Variants in UBR2 observed in about 807,000 individuals in gnomAD.
UBR2 encodes ubiquitin protein ligase E3 component n-recognin 2.
A neutral mutation model predicts 247.9 loss-of-function variants in UBR2; 92 were observed. The observed-to-expected ratio is 0.37, with a 90% CI of 0.31 to 0.44. The LOEUF (loss-of-function observed/expected upper bound fraction) is 0.44. Among genes scored for constraint, UBR2 ranks in the 20% least tolerant of loss-of-function variants. The probability of loss-of-function intolerance (pLI) is 1.00; values close to 1 mark genes in which losing one functional copy is unlikely to be tolerated. For missense variants in UBR2, 1,613 were observed against 2,112.6 expected, an observed-to-expected ratio of 0.76 and a Z score of 4.64; for synonymous variants, 672 against 693.5, an observed-to-expected ratio of 0.97 and a Z score of 0.49.
At chr6:42,634,520 T>C (rs2151952648) in intron 13 of UBR2, among the ~76,000 whole-genome samples, 1 of 152,358 alleles carries the variant, frequency 6.6e-6, no homozygotes, top group South Asian at 2.1e-4. Context: ...AGTGGCGCGA[T>C]CTTGGCTCAC....
Position 42,564,325 on chromosome 6 carries a change from G to C in UBR2, c.6G>C (p.Ala2=). 6.2e-7 allele frequency: 1 copy of C among 1,610,582 alleles called. No homozygotes were observed. Among genetic ancestry groups the C allele is most frequent in the East Asian group, 2.2e-5 (1 of 44,656 alleles). The part of the protein sequence containing the change: M[A]SELEPEVQAI... ...GGGGAGGAGGAGGAGAGAAGATGGC[G>C]TCGGAGCTAGAGCCAGAGGTGCAGG... is the stretch of plus-strand genomic sequence containing the variant. The change falls in exon 1 of 47, where the codon GCG becomes GCC. Residue 2 remains alanine (A), a synonymous_variant. Coordinates refer to ENST00000372901, the MANE Select transcript of UBR2 (RefSeq NM_001363705.2).
At chr6:42,575,365 A>G (rs1024520768) in intron 2 of UBR2, among the ~76,000 whole-genome samples, 1 of 152,184 alleles carries the variant, frequency 6.6e-6, no homozygotes, top group African/African-American at 2.4e-5. Context: ...TTTGTTTGCT[A>G]TTACAGAAAC....
intron 2 of UBR2, among the ~76,000 whole-genome samples, chr6:42,584,589 C>A (rs1484198666): frequency 6.6e-6 from 1 of 152,090 alleles, no homozygotes; most frequent in East Asian, 1.9e-4. Context: ...TGCATTGAAT[C>A]TATAGATTAG....
intron 4 of UBR2, among the ~76,000 whole-genome samples, chr6:42,597,057 C>T (rs1215423021): frequency 6.6e-6 from 1 of 152,184 alleles, no homozygotes; most frequent in Non-Finnish European, 1.5e-5. Context: ...TTAGAGTAGA[C>T]TTAAAATAAT....
At chr6:42,592,289 C>T (rs1407852548) in intron 3 of UBR2, 60 bp downstream of exon 3, 4 of 1,302,800 alleles carry the variant, frequency 3.1e-6, no homozygotes, top group Non-Finnish European at 3.1e-6. Context: ...AATATCTTTT[C>T]TTTCTTTTCA....
intron 2 of UBR2, among the ~76,000 whole-genome samples, chr6:42,579,826 T>A (rs929181112): frequency 1.3e-5 from 2 of 152,232 alleles, no homozygotes; most frequent in Non-Finnish European, 2.9e-5. Flanking sequence ...TGATACATGC[T>A]GAAATTATAC....
At chr6:42,632,949 C>CTTTTT in intron 13 of UBR2, 45 bp downstream of exon 13, 1 of 906,898 alleles carries the variant, frequency 1.1e-6, no homozygotes. Flanking sequence ...TTTTTTTTTT[C>CTTTTT]TCTTTTCTCT....
intron 15 of UBR2, among the ~76,000 whole-genome samples, chr6:42,638,285 A>G (rs756320658): frequency 2.0e-5 from 3 of 152,142 alleles, no homozygotes; most frequent in East Asian, 1.9e-4. Context: ...TTGTGGGCCT[A>G]GAGTTGTTAA....
Position 42,691,476 on chromosome 6 carries a change from A to C in UBR2, c.*303A>C, listed in dbSNP as rs540279804. ...ACTGCATAGTCCCAGCCATTATGTGATATTTCACGTTATTGATGATAGTGA... is the reference window on the plus strand; with the variant it reads ...ACTGCATAGTCCCAGCCATTATGTGCTATTTCACGTTATTGATGATAGTGA... On this transcript the variant is annotated 3_prime_UTR_variant, in exon 47 of 47. Transcript: ENST00000372901. 4 of 353,162 alleles carry C rather than the reference A, an allele frequency of 1.1e-5. No individual in the cohort carries two copies. Among genetic ancestry groups the C allele is most frequent in the South Asian group, 1.1e-4 (4 of 36,224 alleles). The allele number at this position is 353,162 out of a possible 1,614,324, so 21.9% of individuals were successfully genotyped here.
rs1284842826 is a variant in UBR2, at chr6:42,614,099, C to T, written c.986-972C>T. Among the ~76,000 whole-genome samples, 8 of 147,924 alleles carry T rather than the reference C, an allele frequency of 5.4e-5. No homozygotes were observed. In the Admixed American group the frequency reaches 5.5e-4, roughly 10 times the overall value. ...GGCTGAGGCACAGGAATTGCGTGAA[C>T]CCAGGAGGCAGAGGTTGCAGTGAGC... On this transcript the variant is annotated intron_variant, in intron 8 of 46. Transcript: ENST00000372901.
In UBR2 at chr6:42,635,496, A is replaced by G. The variant is rs765946648; in HGVS notation, c.1624A>G (p.Met542Val). ...PEWEAAFTLQMKLTHVISMMQ... is the reference protein window; with the variant it reads ...PEWEAAFTLQVKLTHVISMMQ... The stretch of plus-strand genomic sequence containing the variant: ...GTGGGAAGCAGCCTTCACACTACAA[A>G]TGAAATTAACACATGTCATTTCAAT... Residue 542 changes from methionine to valine, a missense_variant, in exon 14 of 47, where the codon ATG (methionine) becomes GTG (valine). Met to Val is a conservative substitution (Grantham distance 21). Coordinates refer to ENST00000372901, the MANE Select transcript of UBR2 (RefSeq NM_001363705.2). 3.5e-5 allele frequency: 56 copies of G among 1,613,620 alleles called. No individual in the cohort carries two copies. Among genetic ancestry groups the G allele is most frequent in the Non-Finnish European group, 4.5e-5 (53 of 1,179,702 alleles).
At chr6:42,601,933 A>G (rs142269579) in intron 4 of UBR2, among the ~76,000 whole-genome samples, 3,186 of 91,882 alleles carry the variant, frequency 0.035, 430 homozygotes, top group African/African-American at 0.13. Flanking sequence ...ACAGTGGCAC[A>G]ATCTCGGTTC....
chr6:42,676,296 A>G lies in UBR2; in HGVS notation c.4387+105A>G, dbSNP rs553918716. On this transcript the variant is annotated intron_variant, in intron 39 of 46. Transcript: ENST00000372901. The stretch of plus-strand genomic sequence containing the variant: ...GTATTTGGATGAGAATAACACATGA[A>G]TAAGGCTGTTTTTTTCTGTGTATCT... 1.2e-4 allele frequency: 154 copies of G among 1,264,968 alleles called. 1 individual carries two copies. The Middle Eastern group carries it at 3.2e-3, about 26-fold the overall frequency. 78.4% of individuals were successfully genotyped at this position (1,264,968 alleles called of 1,614,324 possible). A position where few individuals can be genotyped will look rare whatever the true frequency, so the allele number is the denominator to read the frequency against.
At chr6:42,588,788 C>T (rs1282252168) in intron 2 of UBR2, among the ~76,000 whole-genome samples, 5 of 152,160 alleles carry the variant, frequency 3.3e-5, no homozygotes, top group Non-Finnish European at 7.3e-5. Context: ...TGGTCGTGGT[C>T]TTTCTGGTAA....
At chr6:42,686,876 C>G (rs1029291781) in intron 44 of UBR2, among the ~76,000 whole-genome samples, 2 of 151,804 alleles carry the variant, frequency 1.3e-5, no homozygotes, top group African/African-American at 4.8e-5. Context: ...CACTCCTCAC[C>G]TCCCAGACAG....
rs567067860 is a variant in UBR2, at chr6:42,686,386, G to A, written c.4853+1515G>A. On this transcript the variant is annotated intron_variant, in intron 44 of 46. Transcript: ENST00000372901. The stretch of plus-strand genomic sequence containing the variant: ...ACACAGCACATGTTTCAGAGAGCAC[G>A]GGGTTGGGGGTAAGGTTATAGATTA... Among the ~76,000 whole-genome samples, 56 of 151,042 alleles carry A rather than the reference G, an allele frequency of 3.7e-4. No individual in the cohort carries two copies. In the South Asian group the frequency reaches 8.9e-3, roughly 24 times the overall value.
chr6:42,626,052 G>C (rs1218684419), intron 11 of UBR2, among the ~76,000 whole-genome samples: 2 of 151,850 alleles, frequency 1.3e-5, no homozygotes, highest in Non-Finnish European at 2.9e-5. Context: ...CTGACCTCGT[G>C]ATCTGCCTGC....
intron 34 of UBR2, 125 bp downstream of exon 34, chr6:42,666,370 T>A: frequency 1.3e-6 from 1 of 751,560 alleles, no homozygotes; most frequent in Non-Finnish European, 2.1e-6. Flanking sequence ...GATCTTTAGT[T>A]GTAAGGTTTA....
chr6:42,646,818 TATAGAG>T (rs1020294347), intron 21 of UBR2, among the ~76,000 whole-genome samples: 20 of 148,820 alleles, frequency 1.3e-4, no homozygotes, highest in African/African-American at 4.8e-4. Context: ...TATATATATA[TATAGAG>T]AGAGAGAGAG....
Sources: allele counts gnomAD v4.1 joint callset (sites outside exome capture counted in the v4.1 genomes callset), GRCh38; gene constraint gnomAD v4.1.1; transcripts MANE v1.5; gene names NCBI Gene and HGNC (gene_info 2026-07-23, HGNC 2026-07-21).